Variants in EPB41L3 observed in about 807,000 individuals in gnomAD.
EPB41L3 encodes erythrocyte membrane protein band 4.1 like 3.
Under a neutral mutation model 127.1 loss-of-function variants are expected in EPB41L3, and 57 were observed. The observed-to-expected ratio is 0.45, with a 90% confidence interval of 0.36 to 0.56. The LOEUF (loss-of-function observed/expected upper bound fraction) is 0.56. Ranked by LOEUF, EPB41L3 falls within the 20% of genes least tolerant of loss-of-function variation. The pLI, the probability that EPB41L3 is intolerant of heterozygous loss-of-function variation, is 0.00. For synonymous variants in EPB41L3, 572 were observed against 549.5 expected (o/e 1.04, Z -0.57); for missense variants, 1,273 against 1,372.2 (o/e 0.93, Z 1.14).
At chr18:5,594,834 G>A (rs2143640044) in intron 3 of EPB41L3, among the ~76,000 whole-genome samples, 1 of 152,280 alleles carries the variant, frequency 6.6e-6, no homozygotes, top group East Asian at 1.9e-4. Flanking sequence ...AGGACATGAT[G>A]TTGGATTACA....
chr18:5,619,863 G>A (rs1002099011), intron 1 of EPB41L3, among the ~76,000 whole-genome samples: 2 of 152,152 alleles, frequency 1.3e-5, no homozygotes, highest in African/African-American at 4.8e-5. Flanking sequence ...AATAAAATGA[G>A]ATTCCAGGTA....
intron 5 of EPB41L3, among the ~76,000 whole-genome samples, chr18:5,442,381 T>C (rs552640712): frequency 2.6e-5 from 4 of 152,308 alleles, no homozygotes; most frequent in Admixed American, 2.0e-4. Flanking sequence ...ACGGTAAAGA[T>C]GTCTTAATTG....
At chr18:5,436,940 A>G (rs1440413241) in intron 6 of EPB41L3, among the ~76,000 whole-genome samples, 1 of 152,196 alleles carries the variant, frequency 6.6e-6, no homozygotes, top group Non-Finnish European at 1.5e-5. Context: ...TGTTTTGAGT[A>G]ATTTCCCTTT....
In EPB41L3 at chr18:5,556,903, T is replaced by C. The variant is rs571921117; in HGVS notation, c.-306+55437A>G. ...CACTCAGTAAGCTCTCAATGCCATA[T>C]AATGGTGTGTCACGGTGATGACGGG... is the stretch of plus-strand genomic sequence containing the variant. On this transcript the variant is annotated intron_variant, in intron 3 of 21. Coordinates refer to the EPB41L3 transcript ENST00000545076. 2.0e-5 allele frequency among the ~76,000 whole-genome samples: 3 copies of C among 152,168 alleles called. No individual in the cohort carries two copies. The East Asian group carries it at 5.8e-4, about 29-fold the overall frequency.
At chr18:5,436,105 A>G (rs1431600858) in intron 6 of EPB41L3, among the ~76,000 whole-genome samples, 3 of 151,650 alleles carry the variant, frequency 2.0e-5, no homozygotes, top group African/African-American at 7.2e-5. Context: ...CAGATAAATT[A>G]CTAACTGCCA....
chr18:5,480,655 T>C (rs757001177), intron 2 of EPB41L3, among the ~76,000 whole-genome samples: 4 of 152,242 alleles, frequency 2.6e-5, no homozygotes, highest in Non-Finnish European at 4.4e-5. Context: ...CTCTTCATTT[T>C]GTAGACCAAG....
chr18:5,554,304 G>A (rs1322866760), intron 3 of EPB41L3, among the ~76,000 whole-genome samples: 2 of 152,140 alleles, frequency 1.3e-5, no homozygotes, highest in African/African-American at 2.4e-5. Flanking sequence ...GCATGGAGAA[G>A]GCATTCAATC....
intron 3 of EPB41L3, among the ~76,000 whole-genome samples, chr18:5,558,016 AG>A (rs2094065891): frequency 6.6e-6 from 1 of 152,264 alleles, no homozygotes; most frequent in Non-Finnish European, 1.5e-5. Flanking sequence ...CATTCACAAT[AG>A]CAACTAATTT....
In EPB41L3 at chr18:5,543,086, G is replaced by A. The variant is rs931169518; in HGVS notation, c.-12+827C>T. 1.3e-5 allele frequency among the ~76,000 whole-genome samples: 2 copies of A among 151,680 alleles called. No individual in the cohort carries two copies. Among genetic ancestry groups the A allele is most frequent in the Non-Finnish European group, 1.5e-5 (1 of 67,890 alleles). ...TGAGTCGCGCCGCCCCGAGCCCCCG[G>A]GCCACGGCAGGCCGACCCAGGCGCC... On this transcript the variant is annotated intron_variant, in intron 1 of 22. Coordinates refer to ENST00000341928, the MANE Select transcript of EPB41L3 (RefSeq NM_012307.5). This position sits in a 1 kb window ranked among gnomAD's most constrained non-coding sequence, Gnocchi z 5.2.
chr18:5,453,720 G>A (rs2082609249), intron 3 of EPB41L3, among the ~76,000 whole-genome samples: 1 of 152,082 alleles, frequency 6.6e-6, no homozygotes, highest in Non-Finnish European at 1.5e-5. Flanking sequence ...AGTATTTTGT[G>A]AACTCCTATT....
chr18:5,487,205 G>A (rs576902195), intron 2 of EPB41L3, among the ~76,000 whole-genome samples: 10 of 152,120 alleles, frequency 6.6e-5, no homozygotes, highest in East Asian at 3.9e-4. Flanking sequence ...AGGCTGTTAC[G>A]TTAAGTGAAA....
chr18:5,400,207 T>C (rs2074278367), intron 16 of EPB41L3: 1 of 174,162 alleles, frequency 5.7e-6, no homozygotes, highest in Admixed American at 6.1e-5. Context: ...TTAGTGTTAG[T>C]TCCAATAAGG....
rs1459406782 is a variant in EPB41L3 at position 5,394,803 on chromosome 18, G to A, written c.3154-10C>T. 3 of 1,613,476 alleles carry A rather than the reference G, an allele frequency of 1.9e-6. No homozygotes were observed. Among genetic ancestry groups the A allele is most frequent in the Non-Finnish European group, 8.5e-7 (1 of 1,179,632 alleles). On this transcript the variant is annotated splice_polypyrimidine_tract_variant and intron_variant, in intron 21 of 22. Transcript: ENST00000341928. ...TTGCCTGAGCCAGCGCCTATCCCCG[G>A]GAAATCACAGAAGGGCAGAAACAAA...
At chr18:5,508,993 A>C (rs1233072523) in intron 1 of EPB41L3, among the ~76,000 whole-genome samples, 2 of 152,176 alleles carry the variant, frequency 1.3e-5, no homozygotes, top group Non-Finnish European at 2.9e-5. Flanking sequence ...GAAGTGTTAC[A>C]AGACCAACGC....
intron 1 of EPB41L3, among the ~76,000 whole-genome samples, chr18:5,537,869 T>C (rs1365385019): frequency 1.3e-5 from 2 of 152,106 alleles, no homozygotes; most frequent in Non-Finnish European, 2.9e-5. Context: ...AAGGATCCTT[T>C]TATAGGAAAC....
intron 4 of EPB41L3, among the ~76,000 whole-genome samples, chr18:5,444,809 G>A (rs1359858363): frequency 6.6e-6 from 1 of 152,042 alleles, no homozygotes; most frequent in East Asian, 1.9e-4. Flanking sequence ...GATTTTCATT[G>A]GTTCAAATAA....
At chr18:5,460,687 A>G (rs1228972312) in intron 3 of EPB41L3, among the ~76,000 whole-genome samples, 1 of 152,242 alleles carries the variant, frequency 6.6e-6, no homozygotes, top group Non-Finnish European at 1.5e-5. Flanking sequence ...GAGCTGCAGT[A>G]GAGAGTTTAA....
intron 1 of EPB41L3, among the ~76,000 whole-genome samples, chr18:5,513,221 G>C (rs550326032): frequency 6.6e-6 from 1 of 152,318 alleles, no homozygotes; most frequent in Non-Finnish European, 1.5e-5. Flanking sequence ...CATAGCTCAT[G>C]CAAGAAGTGA....
intron 1 of EPB41L3, among the ~76,000 whole-genome samples, chr18:5,535,373 T>C (rs2148979763): frequency 6.6e-6 from 1 of 152,256 alleles, no homozygotes; most frequent in African/African-American, 2.4e-5. Flanking sequence ...AGAGGAAAAG[T>C]TTTCCAGACT....
Sources: allele counts gnomAD v4.1 joint callset (sites outside exome capture counted in the v4.1 genomes callset), GRCh38; gene constraint gnomAD v4.1.1; non-coding constraint Gnocchi (gnomAD v3.1); transcripts MANE v1.5; gene names NCBI Gene and HGNC (gene_info 2026-07-23, HGNC 2026-07-21).